CAMK1D: variants seen among roughly 807,000 people sequenced by gnomAD.
CAMK1D encodes calcium/calmodulin-dependent protein kinase type 1D.
In CAMK1D, 9 loss-of-function variants were observed where a neutral mutation model predicts 47.7. That is an observed-to-expected ratio of 0.19 (90% CI 0.11 to 0.33). The LOEUF (loss-of-function observed/expected upper bound fraction) is 0.33, where lower values mean the gene tolerates loss of function less well. Among genes scored for constraint, CAMK1D ranks in the 10% least tolerant of loss-of-function variants. CAMK1D has a pLI of 1.00. For missense variants in CAMK1D, 291 were observed against 488.7 expected, an observed-to-expected ratio of 0.60 and a Z score of 3.81; for synonymous variants, 184 against 184.9, an observed-to-expected ratio of 0.99 and a Z score of 0.04.
intron 1 of CAMK1D, among the ~76,000 whole-genome samples, chr10:12,369,093 G>C (rs1358306413): frequency 6.6e-6 from 1 of 152,170 alleles, no homozygotes; most frequent in East Asian, 1.9e-4. Context: ...GGGATTACAG[G>C]TGTGAGCCAC....
At chr10:12,566,270 A>C (rs1241326914) in intron 2 of CAMK1D, among the ~76,000 whole-genome samples, 1 of 152,100 alleles carries the variant, frequency 6.6e-6, no homozygotes, top group Non-Finnish European at 1.5e-5. Flanking sequence ...AAGTCACATC[A>C]CGCAAGTGTC....
chr10:12,690,610 G>C (rs993514097), intron 3 of CAMK1D, among the ~76,000 whole-genome samples: 2 of 152,174 alleles, frequency 1.3e-5, no homozygotes, highest in African/African-American at 2.4e-5. Context: ...TATGTCAAAA[G>C]ATGAACTGCA....
At chr10:12,545,683 C>T (rs1836344909) in intron 1 of CAMK1D, among the ~76,000 whole-genome samples, 1 of 150,788 alleles carries the variant, frequency 6.6e-6, no homozygotes, top group Non-Finnish European at 1.5e-5. Context: ...ACCTGTAATC[C>T]CAGCTACTTG....
rs1437774775 is a variant in CAMK1D at position 12,593,934 on chromosome 10, T to C, written c.224+40578T>C. The stretch of plus-strand genomic sequence containing the variant: ...GCTCACGCCTGTAATCTCAGCACTT[T>C]GGGAGGCCGAGGTGGGTGGATCACT... On this transcript the variant is annotated intron_variant, in intron 2 of 10. Coordinates refer to ENST00000619168, the MANE Select transcript of CAMK1D (RefSeq NM_153498.4). 3.3e-5 allele frequency among the ~76,000 whole-genome samples: 5 copies of C among 152,112 alleles called. No individual in the cohort carries two copies. The East Asian group carries it at 9.7e-4, about 29-fold the overall frequency.
Position 12,587,260 on chromosome 10 carries a change from G to A in CAMK1D, c.224+33904G>A, listed in dbSNP as rs555533455. Among the ~76,000 whole-genome samples the A allele has an allele frequency of 2.5e-4, 38 of 152,248 alleles. No homozygotes were observed. In the South Asian group the frequency reaches 7.3e-3, roughly 29 times the overall value. On this transcript the variant is annotated intron_variant, in intron 2 of 10. Coordinates refer to ENST00000619168, the MANE Select transcript of CAMK1D (RefSeq NM_153498.4). ...AATGACTGAGGAGTAGCCAGCCCAC[G>A]ATCGCTTTCCTAGAATATACTCTGA... is the stretch of plus-strand genomic sequence containing the variant.
intron 2 of CAMK1D, among the ~76,000 whole-genome samples, chr10:12,645,443 G>A (rs936734156): frequency 1.3e-5 from 2 of 152,196 alleles, no homozygotes; most frequent in African/African-American, 4.8e-5. Context: ...TTCACTGGTT[G>A]ACGTATCTGG....
chr10:12,600,417 C>G (rs1473060377), intron 2 of CAMK1D, among the ~76,000 whole-genome samples: 1 of 152,198 alleles, frequency 6.6e-6, no homozygotes, highest in African/African-American at 2.4e-5. Flanking sequence ...ACTCGGTAAC[C>G]TACTCACGCT....
chr10:12,489,368 G>C (rs1834311205), intron 1 of CAMK1D, among the ~76,000 whole-genome samples: 1 of 152,192 alleles, frequency 6.6e-6, no homozygotes, highest in Non-Finnish European at 1.5e-5. Flanking sequence ...CCTGAAGCCA[G>C]GCAGGAGAGG....
intron 1 of CAMK1D, among the ~76,000 whole-genome samples, chr10:12,391,861 G>C (rs1381913206): frequency 1.3e-5 from 2 of 152,190 alleles, no homozygotes; most frequent in African/African-American, 2.4e-5. Context: ...TTATGGGATA[G>C]TTACTGTCAT....
intron 3 of CAMK1D, among the ~76,000 whole-genome samples, chr10:12,681,246 T>C (rs999646609): frequency 6.6e-6 from 1 of 152,270 alleles, no homozygotes; most frequent in African/African-American, 2.4e-5. Context: ...TCAGCCTTGT[T>C]GACAACAACC....
At chr10:12,439,336 A>G (rs1832719428) in intron 1 of CAMK1D, among the ~76,000 whole-genome samples, 1 of 152,150 alleles carries the variant, frequency 6.6e-6, no homozygotes, top group Non-Finnish European at 1.5e-5. Context: ...GCATTTATTG[A>G]CTGGAGGCCA....
chr10:12,396,272 G>A (rs1838951716), intron 1 of CAMK1D, among the ~76,000 whole-genome samples: 2 of 152,182 alleles, frequency 1.3e-5, no homozygotes, highest in African/African-American at 2.4e-5. Flanking sequence ...CCTGCTGGGC[G>A]CTGCTGGTGT....
intron 1 of CAMK1D, among the ~76,000 whole-genome samples, chr10:12,437,615 C>T (rs1461706548): frequency 6.6e-6 from 1 of 152,220 alleles, no homozygotes; most frequent in African/African-American, 2.4e-5. Flanking sequence ...CAACATCCCC[C>T]AGCAGAGCGG....
intron 1 of CAMK1D, among the ~76,000 whole-genome samples, chr10:12,527,875 C>CT (rs1835678949): frequency 6.6e-6 from 1 of 152,200 alleles, no homozygotes; most frequent in Non-Finnish European, 1.5e-5. Context: ...GGTTAGTGGG[C>CT]TTGCTTCATC....
chr10:12,371,242 C>T lies in CAMK1D; in HGVS notation c.92+21332C>T, dbSNP rs12252267. ...AGGGTGACTTCTAGGCCCGGAAGCT[C>T]CATTCATGACTAGTGCCCTATACAG... On this transcript the variant is annotated intron_variant, in intron 1 of 10. Transcript: ENST00000619168. Among the ~76,000 whole-genome samples, 712 of 152,174 alleles carry T rather than the reference C, an allele frequency of 4.7e-3. 10 individuals are homozygous for T. Among genetic ancestry groups the T allele is most frequent in the African/African-American group, 0.017 (691 of 41,516 alleles).
chr10:12,752,486 G>C (rs991119707), intron 3 of CAMK1D, among the ~76,000 whole-genome samples: 1 of 151,618 alleles, frequency 6.6e-6, no homozygotes, highest in African/African-American at 2.4e-5. Context: ...TTACCTAATG[G>C]GGACAAGGCA....
chr10:12,554,565 G>A (rs557592023), intron 2 of CAMK1D, among the ~76,000 whole-genome samples: 12,093 of 88,684 alleles, frequency 0.14, 3,872 homozygotes, highest in Non-Finnish European at 0.22. Context: ...CTCCAGGCAG[G>A]ATCTTGCTCT....
At position 12,771,800 on chromosome 10, in the gene CAMK1D, A is replaced by G. The variant is rs191948526; in HGVS notation, c.565+2001A>G. On this transcript the variant is annotated intron_variant, in intron 5 of 10. Transcript: ENST00000619168. ...TGTAATCCCAGCACTTTGAGAGGCC[A>G]AGGTGGTTGGGTCAGTTGAGTCCAG... Among the ~76,000 whole-genome samples, 581 of 152,268 alleles carry G rather than the reference A, an allele frequency of 3.8e-3. 3 individuals are homozygous for G. The highest frequency in any genetic ancestry group is 0.013 in the African/African-American group (559 of 41,546).
intron 7 of CAMK1D, among the ~76,000 whole-genome samples, chr10:12,815,234 G>A (rs75841323): frequency 0.015 from 2,325 of 152,314 alleles, 49 homozygotes; most frequent in East Asian, 0.11. Context: ...ACCAAGGCCT[G>A]TGTAAATTAA....
Sources: gnomAD v4.1 joint callset for allele counts (sites outside exome capture counted in the v4.1 genomes callset) on GRCh38, gnomAD v4.1.1 for gene constraint, MANE v1.5 for transcripts, NCBI Gene and HGNC (gene_info 2026-07-23, HGNC 2026-07-21) for gene names.